Variants in DYRK4 observed in about 807,000 individuals in gnomAD.
DYRK4 encodes the protein dual specificity tyrosine-phosphorylation-regulated kinase 4.
DYRK4 carries 64 observed loss-of-function variants against 68.3 expected under a neutral mutation model. That is an observed-to-expected ratio of 0.94 (90% CI 0.77 to 1.15). The LOEUF (loss-of-function observed/expected upper bound fraction) is 1.15, where lower values mean the gene tolerates loss of function less well. DYRK4 is among the 50% of genes most tolerant of loss of function. DYRK4 has a pLI of 0.00. For missense variants in DYRK4, 740 were observed against 764.7 expected, an observed-to-expected ratio of 0.97 and a Z score of 0.38; for synonymous variants, 274 against 289.9, an observed-to-expected ratio of 0.95 and a Z score of 0.56.
intron 2 of DYRK4, chr12:4,573,240 T>C (rs1159192477): frequency 2.7e-6 from 3 of 1,097,288 alleles, no homozygotes; most frequent in South Asian, 1.4e-5. Flanking sequence ...TCAATGAAGA[T>C]AGGCATTTAC....
intron 1 of DYRK4, 95 bp downstream of exon 1, chr12:4,562,378 T>C: frequency 7.0e-7 from 1 of 1,426,826 alleles, no homozygotes; most frequent in Non-Finnish European, 9.3e-7. Context: ...GGGGGGAGAA[T>C]GAAAAGCGTG....
At chr12:4,602,730 G>C in intron 10 of DYRK4, 2 of 1,511,856 alleles carry the variant, frequency 1.3e-6, no homozygotes, top group Non-Finnish European at 1.8e-6. Flanking sequence ...TCAATGTCTT[G>C]TAAATTCAGA....
rs745382181 is a variant in DYRK4 at position 4,568,084 on chromosome 12, T to C, written c.132+36T>C. 11 of 1,522,652 alleles carry C rather than the reference T, an allele frequency of 7.2e-6. No individual in the cohort carries two copies. The Admixed American group carries it at 1.8e-4, about 24-fold the overall frequency. 94.3% of individuals were successfully genotyped at this position (1,522,652 alleles called of 1,614,324 possible). A position where few individuals can be genotyped will look rare whatever the true frequency, so the allele number is the denominator to read the frequency against. On this transcript the variant is annotated intron_variant, in intron 2 of 14. Transcript: ENST00000543431. ...TTGAATTTTCACTGGGGAAGAGAGG[T>C]ATCATTGCGAGGTCCTAGGGACTCA... is the stretch of plus-strand genomic sequence containing the variant.
intron 8 of DYRK4, 43 bp downstream of exon 8, chr12:4,596,772 T>C: frequency 6.2e-7 from 1 of 1,608,622 alleles, no homozygotes; most frequent in Non-Finnish European, 8.5e-7. Flanking sequence ...CTGGAAAAGT[T>C]ACCTAAGTGA....
chr12:4,602,447 T>C (rs1160184213), intron 10 of DYRK4: 2 of 1,184,888 alleles, frequency 1.7e-6, no homozygotes, highest in Non-Finnish European at 2.5e-6. Flanking sequence ...ACTGTCCTGA[T>C]TAGATTTCCC....
At chr12:4,605,185 C>CTTT in intron 11 of DYRK4, 99 bp downstream of exon 11, 1 of 1,042,272 alleles carries the variant, frequency 9.6e-7, no homozygotes, top group Non-Finnish European at 1.4e-6. Flanking sequence ...GCCTGCATAC[C>CTTT]TTGTTGTTGT....
chr12:4,592,904 C>G, intron 5 of DYRK4, 98 bp from the exon 6 acceptor site: 1 of 1,464,768 alleles, frequency 6.8e-7, no homozygotes, highest in Non-Finnish European at 9.2e-7. Flanking sequence ...GGGGAACAGG[C>G]TGATGGCTCG....
intron 8 of DYRK4, among the ~76,000 whole-genome samples, chr12:4,598,607 C>T (rs1945044941): frequency 6.6e-6 from 1 of 152,202 alleles, no homozygotes; most frequent in Non-Finnish European, 1.5e-5. Context: ...TCTGCCCACT[C>T]TCTTGTTCCT....
intron 4 of DYRK4, chr12:4,590,644 T>G: frequency 2.7e-6 from 3 of 1,091,006 alleles, no homozygotes; most frequent in Non-Finnish European, 3.6e-6. Flanking sequence ...AAATGGGCCC[T>G]CTCTAGAGCT....
chr12:4,599,264 C>A, intron 9 of DYRK4, 98 bp downstream of exon 9: 10 of 827,644 alleles, frequency 1.2e-5, no homozygotes, highest in East Asian at 3.1e-5. Flanking sequence ...AAATAATTGC[C>A]TTTGACTTTT....
At chr12:4,602,001 T>A (rs1945087019) in intron 10 of DYRK4, 2 of 336,824 alleles carry the variant, frequency 5.9e-6, no homozygotes, top group South Asian at 6.0e-5. Flanking sequence ...CTGAACAAAA[T>A]AGGAATCATT....
intron 1 of DYRK4, chr12:4,564,271 AAGCCCTG>A (rs1385845924): frequency 1.3e-5 from 2 of 152,058 alleles, no homozygotes; most frequent in African/African-American, 2.4e-5. Context: ...GAATAATTTG[AAGCCCTG>A]ACTTGATTAT....
intron 2 of DYRK4, among the ~76,000 whole-genome samples, chr12:4,568,869 T>C (rs1049349105): frequency 1.4e-4 from 22 of 152,346 alleles, no homozygotes; most frequent in Admixed American, 1.4e-3. Flanking sequence ...TTGAATTTCT[T>C]AGTTTGTTCA....
At chr12:4,570,417 G>A (rs747595434) in intron 2 of DYRK4, among the ~76,000 whole-genome samples, 24 of 152,088 alleles carry the variant, frequency 1.6e-4, no homozygotes, top group Non-Finnish European at 3.1e-4. Context: ...TTTCAACGTC[G>A]ATTGGCTTTC....
intron 2 of DYRK4, among the ~76,000 whole-genome samples, chr12:4,584,295 A>G (rs1944872620): frequency 2.0e-5 from 3 of 152,228 alleles, no homozygotes; most frequent in Admixed American, 2.0e-4. Context: ...TATGTTCAGT[A>G]AATGCGTTAA....
At chr12:4,597,289 G>A (rs1340695054) in intron 8 of DYRK4, 1 of 357,962 alleles carries the variant, frequency 2.8e-6, no homozygotes, top group Non-Finnish European at 3.9e-6. Context: ...AAGACCATCT[G>A]ATGCAATTTA....
At chr12:4,573,525 T>C (rs550883179) in intron 2 of DYRK4, among the ~76,000 whole-genome samples, 1 of 152,290 alleles carries the variant, frequency 6.6e-6, no homozygotes, top group African/African-American at 2.4e-5. Flanking sequence ...ATCAGAGCAA[T>C]AGTCACTTCT....
rs190337856 is a variant in DYRK4, at chr12:4,580,565, T to A, written c.133-8372T>A. ...GCCACCTCCCTCCCTCCCAGTTCTTTGTGATGCTCTGCTGAGCCTAATTGT... is the reference window on the plus strand; with the variant it reads ...GCCACCTCCCTCCCTCCCAGTTCTTAGTGATGCTCTGCTGAGCCTAATTGT... On this transcript the variant is annotated intron_variant, in intron 2 of 14. Transcript: ENST00000543431. Among the ~76,000 whole-genome samples the A allele has an allele frequency of 1.6e-3, 239 of 152,346 alleles. 1 individual carries two copies. Among genetic ancestry groups the A allele is most frequent in the African/African-American group, 5.4e-3 (226 of 41,586 alleles).
chr12:4,581,552 G>A (rs73257418), intron 2 of DYRK4, among the ~76,000 whole-genome samples: 3,413 of 152,302 alleles, frequency 0.022, 129 homozygotes, highest in African/African-American at 0.076. Flanking sequence ...AAGGGCCGGG[G>A]AGCATGGGAG....
Sources: allele counts gnomAD v4.1 joint callset (sites outside exome capture counted in the v4.1 genomes callset), GRCh38; gene constraint gnomAD v4.1.1; transcripts MANE v1.5; gene names NCBI Gene and HGNC (gene_info 2026-07-23, HGNC 2026-07-21).